The following MCRIP1 variants were observed in gnomAD, a reference collection of about 807,000 sequenced individuals.
MCRIP1 encodes the protein MAPK regulated corepressor interacting protein 1.
In MCRIP1, 10 loss-of-function variants were observed where a neutral mutation model predicts 14.4. The observed-to-expected ratio is 0.70, with a 90% confidence interval of 0.43 to 1.18. The LOEUF (loss-of-function observed/expected upper bound fraction) is 1.18, where lower values mean the gene tolerates loss of function less well. Ranked by LOEUF, MCRIP1 falls within the 50% of genes most tolerant of loss-of-function variation. The probability of loss-of-function intolerance (pLI) is 0.00; values close to 1 mark genes in which losing one functional copy is unlikely to be tolerated. For synonymous variants in MCRIP1, 53 were observed against 55.7 expected (o/e 0.95, Z 0.21); for missense variants, 119 against 135.4 (o/e 0.88, Z 0.60).
chr17:81,826,398 C>T (rs1348168593), intron 1 of MCRIP1: 3 of 1,534,782 alleles, frequency 2.0e-6, no homozygotes, highest in African/African-American at 1.4e-5. Flanking sequence ...GCAGCATGCA[C>T]TTGTAGTCCC....
intron 1 of MCRIP1, among the ~76,000 whole-genome samples, chr17:81,831,217 G>C (rs984621428): frequency 3.3e-5 from 5 of 150,548 alleles, no homozygotes; most frequent in Non-Finnish European, 7.4e-5. Context: ...GTATGCACCT[G>C]TAATTCCAGC....
chr17:81,826,555 C>G, intron 1 of MCRIP1: 1 of 601,826 alleles, frequency 1.7e-6, no homozygotes, highest in Non-Finnish European at 2.9e-6. Flanking sequence ...CACGGTGGCT[C>G]ACGCTTGTAA....
intron 1 of MCRIP1, among the ~76,000 whole-genome samples, chr17:81,827,918 C>G (rs977483842): frequency 4.7e-5 from 7 of 150,306 alleles, no homozygotes; most frequent in South Asian, 2.1e-4. Flanking sequence ...GTCGCTGGGA[C>G]TATAGGCGCC....
chr17:81,829,965 C>T (rs2038484368), intron 1 of MCRIP1, among the ~76,000 whole-genome samples: 1 of 152,248 alleles, frequency 6.6e-6, no homozygotes, highest in Non-Finnish European at 1.5e-5. Context: ...TACCAGGTGT[C>T]ACCTGCTGCT....
At chr17:81,827,524 G>C (rs1026943543) in intron 1 of MCRIP1, among the ~76,000 whole-genome samples, 2 of 151,896 alleles carry the variant, frequency 1.3e-5, no homozygotes, top group Non-Finnish European at 2.9e-5. Context: ...ACCCACCTGG[G>C]CCTCCCAAAG....
At chr17:81,827,807 G>A (rs992060234) in intron 1 of MCRIP1, among the ~76,000 whole-genome samples, 1 of 131,598 alleles carries the variant, frequency 7.6e-6, no homozygotes, top group Non-Finnish European at 1.6e-5. Context: ...TTGAGATGGA[G>A]TCTCGCTCTG....
intron 1 of MCRIP1, chr17:81,825,490 G>A: frequency 8.2e-6 from 10 of 1,212,522 alleles, no homozygotes; most frequent in Middle Eastern, 2.4e-4. Context: ...CAACTCCCCT[G>A]CCCACCCAGA....
intron 1 of MCRIP1, among the ~76,000 whole-genome samples, chr17:81,829,112 C>A (rs968866408): frequency 1.3e-5 from 2 of 152,168 alleles, no homozygotes; most frequent in African/African-American, 4.8e-5. Flanking sequence ...TGGCACAGGC[C>A]CAGAGAAGCG....
At chr17:81,827,628 G>A (rs2038435172) in intron 1 of MCRIP1, among the ~76,000 whole-genome samples, 1 of 151,710 alleles carries the variant, frequency 6.6e-6, no homozygotes, top group Non-Finnish European at 1.5e-5. Flanking sequence ...TGGCTGAGGT[G>A]GTAGGATTGC....
intron 2 of MCRIP1, 46 bp from the exon 3 acceptor site, chr17:81,824,451 G>A (rs1342200684): frequency 1.3e-6 from 2 of 1,533,750 alleles, no homozygotes; most frequent in Admixed American, 2.0e-5. Context: ...CAGGGTGGGA[G>A]CCCACAACCC....
intron 1 of MCRIP1, chr17:81,826,607 G>A: frequency 1.9e-6 from 1 of 533,636 alleles, no homozygotes; most frequent in East Asian, 3.2e-5. Flanking sequence ...ATCAGCTGAG[G>A]TCAGGAGTTT....
At chr17:81,826,871 G>T (rs1302778663) in intron 1 of MCRIP1, among the ~76,000 whole-genome samples, 1 of 134,964 alleles carries the variant, frequency 7.4e-6, no homozygotes, top group Non-Finnish European at 1.6e-5. Flanking sequence ...TGTAATCCCA[G>T]CACTTTGGGA....
intron 1 of MCRIP1, among the ~76,000 whole-genome samples, chr17:81,828,715 A>G (rs922202612): frequency 1.3e-5 from 2 of 152,166 alleles, no homozygotes; most frequent in Non-Finnish European, 2.9e-5. Context: ...CCTGGGACAC[A>G]TGGAATGGGA....
At chr17:81,828,852 C>T (rs1247696739) in intron 1 of MCRIP1, among the ~76,000 whole-genome samples, 1 of 152,210 alleles carries the variant, frequency 6.6e-6, no homozygotes, top group Admixed American at 6.5e-5. Flanking sequence ...AAGAGGTCAC[C>T]ATGGAGCCAC....
At position 81,823,199 on chromosome 17, in the gene MCRIP1, C is replaced by T; in HGVS notation, c.*48G>A. ...GGACCACAGGACAGGAGGGAACCGACACCTCGCACCCTGATCTTCCGGAGG... is the reference window on the plus strand; with the variant it reads ...GGACCACAGGACAGGAGGGAACCGATACCTCGCACCCTGATCTTCCGGAGG... On this transcript the variant is annotated 3_prime_UTR_variant, in exon 5 of 5. Coordinates refer to ENST00000455127, the MANE Select transcript of MCRIP1 (RefSeq NM_207368.5). The surrounding 1 kb of genome is among the most constrained non-coding windows in gnomAD (Gnocchi z 6.0). The T allele has an allele frequency of 6.6e-7, 1 of 1,521,568 alleles. No homozygotes were observed. Among genetic ancestry groups the T allele is most frequent in the Non-Finnish European group, 8.8e-7 (1 of 1,134,588 alleles). The allele number at this position is 1,521,568 out of a possible 1,614,324, so 94.3% of individuals were successfully genotyped here. A position where few individuals can be genotyped will look rare whatever the true frequency, so the allele number is the denominator to read the frequency against.
intron 1 of MCRIP1, among the ~76,000 whole-genome samples, chr17:81,829,954 T>C (rs1007754804): frequency 6.6e-6 from 1 of 152,226 alleles, no homozygotes; most frequent in African/African-American, 2.4e-5. Context: ...CCAACTTGTT[T>C]TACCAGGTGT....
At position 81,823,588 on chromosome 17, in the gene MCRIP1, C is replaced by T; in HGVS notation, c.128-75G>A. 1 of 1,227,154 alleles carries T rather than the reference C, an allele frequency of 8.1e-7. No individual in the cohort carries two copies. The highest frequency in any genetic ancestry group is 1.5e-5 in the African/African-American group (1 of 67,006). 76.0% of individuals were successfully genotyped at this position (1,227,154 alleles called of 1,614,324 possible). ...GCATCCACGTCACGAGAGTGCCTGC[C>T]CTCAGCTCCTGCCCTCCCAGATCCT... On this transcript the variant is annotated intron_variant, in intron 3 of 4. Transcript: ENST00000455127. The surrounding 1 kb of genome is among the most constrained non-coding windows in gnomAD (Gnocchi z 6.0).
intron 1 of MCRIP1, chr17:81,825,995 C>A: frequency 7.4e-7 from 1 of 1,352,680 alleles, no homozygotes; most frequent in Non-Finnish European, 9.7e-7. Flanking sequence ...TGCTGGCTCT[C>A]ACCACTGACC....
chr17:81,824,188 G>T, intron 3 of MCRIP1, 99 bp downstream of exon 3: 1 of 954,864 alleles, frequency 1.0e-6, no homozygotes, highest in Non-Finnish European at 1.6e-6. Flanking sequence ...GGCAGGGGCA[G>T]GGGCCGCAGG....
Sources: gnomAD v4.1 joint callset for allele counts (sites outside exome capture counted in the v4.1 genomes callset) on GRCh38, gnomAD v4.1.1 for gene constraint, Gnocchi (gnomAD v3.1) non-coding constraint, MANE v1.5 for transcripts, NCBI Gene and HGNC (gene_info 2026-07-23, HGNC 2026-07-21) for gene names.